HAT1: variants seen among roughly 807,000 people sequenced by gnomAD.
HAT1 encodes histone acetyltransferase type B catalytic subunit.
Under a neutral mutation model 56.6 loss-of-function variants are expected in HAT1, and 20 were observed. The observed-to-expected ratio is 0.35, with a 90% CI of 0.25 to 0.51. HAT1 has a LOEUF of 0.51. Among genes scored for constraint, HAT1 ranks in the 20% least tolerant of loss-of-function variants. The pLI is 0.95. For synonymous variants in HAT1, 146 were observed against 165.5 expected, an observed-to-expected ratio of 0.88 and a Z score of 0.91; for missense variants, 408 against 504.3, an observed-to-expected ratio of 0.81 and a Z score of 1.83.
chr2:171,922,904 ATCC>A (rs1686478416), intron 1 of HAT1: 1 of 197,434 alleles, frequency 5.1e-6, no homozygotes. Flanking sequence ...TAATGCTCAG[ATCC>A]TCCTCCTCTT....
At chr2:171,932,196 A>G (rs966807898) in intron 2 of HAT1, among the ~76,000 whole-genome samples, 2 of 152,242 alleles carry the variant, frequency 1.3e-5, no homozygotes, top group South Asian at 4.1e-4. Flanking sequence ...TGACTTGGCA[A>G]TGTTTTGTTA....
intron 10 of HAT1, among the ~76,000 whole-genome samples, chr2:171,982,220 C>T (rs1042490077): frequency 1.4e-4 from 22 of 152,060 alleles, no homozygotes; most frequent in African/African-American, 5.3e-4. Flanking sequence ...AGAACTGGGC[C>T]GGGTGTGGTG....
chr2:171,938,024 T>TTCTCTCTCTCTC (rs374402453), intron 2 of HAT1, among the ~76,000 whole-genome samples: 1,474 of 104,746 alleles, frequency 0.014, 62 homozygotes, highest in East Asian at 0.028. Flanking sequence ...TGTCTACTGA[T>TTCTCTCTCTCTC]TCTCTCTCTC....
chr2:171,941,208 T>G (rs1687009972), intron 2 of HAT1, among the ~76,000 whole-genome samples: 1 of 152,076 alleles, frequency 6.6e-6, no homozygotes, highest in Admixed American at 6.6e-5. Flanking sequence ...TGGTGTTTTT[T>G]TTGTTGTTGT....
At chr2:171,931,402 C>A (rs1303107452) in intron 2 of HAT1, among the ~76,000 whole-genome samples, 1 of 149,544 alleles carries the variant, frequency 6.7e-6, no homozygotes, top group Admixed American at 6.7e-5. Context: ...AGATAGATAG[C>A]CATATAGCCG....
At position 171,971,439 on chromosome 2, in the gene HAT1, G is replaced by A. The variant is rs535100993; in HGVS notation, c.823+4490G>A. ...TCCTTCCCTACACCCGACGTCCATT[G>A]AGGTCCTTGGTCCATTTTGAATAAA... is the stretch of plus-strand genomic sequence containing the variant. On this transcript the variant is annotated intron_variant, in intron 8 of 10. Coordinates refer to ENST00000264108, the MANE Select transcript of HAT1 (RefSeq NM_003642.4). Among the ~76,000 whole-genome samples the A allele has an allele frequency of 5.9e-5, 9 of 152,270 alleles. No individual in the cohort carries two copies. In the South Asian group the frequency reaches 1.9e-3, roughly 32 times the overall value.
intron 2 of HAT1, among the ~76,000 whole-genome samples, chr2:171,946,197 G>C (rs1453402319): frequency 6.6e-6 from 1 of 152,154 alleles, no homozygotes; most frequent in Non-Finnish European, 1.5e-5. Context: ...AAGTACAGCA[G>C]GATGTATATA....
At chr2:171,973,605 GC>G (rs1312017089) in intron 8 of HAT1, among the ~76,000 whole-genome samples, 19 of 152,166 alleles carry the variant, frequency 1.2e-4, no homozygotes, top group African/African-American at 4.1e-4. Context: ...GGGTGAACAA[GC>G]ATTACTGCCT....
At chr2:171,954,152 A>AT (rs909574097) in intron 4 of HAT1, among the ~76,000 whole-genome samples, 2 of 151,964 alleles carry the variant, frequency 1.3e-5, no homozygotes, top group Admixed American at 1.3e-4. Flanking sequence ...TCAGAGTTTT[A>AT]TTTTTTTGCC....
At chr2:171,965,288 C>A (rs781479323) in intron 4 of HAT1, 50 bp from the exon 5 acceptor site, 7 of 1,107,420 alleles carry the variant, frequency 6.3e-6, no homozygotes, top group Non-Finnish European at 7.8e-6. Flanking sequence ...AAACCATATT[C>A]AACTTAAAGT....
At position 171,979,379 on chromosome 2, in the gene HAT1, A is replaced by C. The variant is rs779614918; in HGVS notation, c.1092+16A>C. The C allele has an allele frequency of 2.7e-5, 31 of 1,132,542 alleles. No homozygotes were observed. Among genetic ancestry groups the C allele is most frequent in the African/African-American group, 4.6e-5 (3 of 65,772 alleles). The allele number at this position is 1,132,542 out of a possible 1,614,324, so 70.2% of individuals were successfully genotyped here. On this transcript the variant is annotated intron_variant, in intron 10 of 10. Transcript: ENST00000264108. ...CCCATATAAGGTAGGACTTTCAAGA[A>C]TCTTAAACACTGTATTCTTTTCACT...
intron 3 of HAT1, among the ~76,000 whole-genome samples, chr2:171,951,062 C>T (rs546760255): frequency 3.9e-5 from 6 of 152,338 alleles, no homozygotes; most frequent in Admixed American, 2.0e-4. Flanking sequence ...CCACCCACCT[C>T]GGCCTCCCGA....
At chr2:171,927,823 A>G (rs1686636194) in intron 2 of HAT1, among the ~76,000 whole-genome samples, 1 of 151,964 alleles carries the variant, frequency 6.6e-6, no homozygotes, top group Non-Finnish European at 1.5e-5. Flanking sequence ...TGACCAAGTG[A>G]TCCACCTGCC....
chr2:171,922,464 T>G lies in HAT1; in HGVS notation c.-37T>G. On this transcript the variant is annotated 5_prime_UTR_variant, in exon 1 of 11. The change creates a new upstream start codon in the 5' untranslated region. Transcript: ENST00000264108. ...CCGGCCCGGGAGCGCGCGGGTTGAT[T>G]CGTCCTTCCTCAGCCGCGGGTGATC... The G allele has an allele frequency of 7.6e-7, 1 of 1,317,612 alleles. No homozygotes were observed. The highest frequency in any genetic ancestry group is 9.8e-7 in the Non-Finnish European group (1 of 1,023,896). 81.6% of individuals were successfully genotyped at this position (1,317,612 alleles called of 1,614,324 possible).
intron 4 of HAT1, among the ~76,000 whole-genome samples, chr2:171,959,085 A>G (rs986605679): frequency 2.0e-5 from 3 of 152,192 alleles, no homozygotes; most frequent in Non-Finnish European, 4.4e-5. Flanking sequence ...TTTATTTTAT[A>G]TAGTTTGTTT....
At chr2:171,953,117 G>T in intron 4 of HAT1, 116 bp downstream of exon 4, 3 of 535,172 alleles carry the variant, frequency 5.6e-6, no homozygotes, top group Non-Finnish European at 9.4e-6. Flanking sequence ...GACCAAGGGG[G>T]GCAGATCTTT....
At chr2:171,978,496 T>G (rs1688046066) in intron 9 of HAT1, among the ~76,000 whole-genome samples, 1 of 152,220 alleles carries the variant, frequency 6.6e-6, no homozygotes, top group Non-Finnish European at 1.5e-5. Flanking sequence ...GCCCTTAGAC[T>G]AGAATTTTCT....
At chr2:171,928,852 A>G (rs1686665232) in intron 2 of HAT1, among the ~76,000 whole-genome samples, 1 of 152,162 alleles carries the variant, frequency 6.6e-6, no homozygotes, top group Non-Finnish European at 1.5e-5. Flanking sequence ...TGTTGGATAC[A>G]TCATTATTCG....
intron 10 of HAT1, among the ~76,000 whole-genome samples, chr2:171,982,443 C>T (rs1010696521): frequency 6.6e-6 from 1 of 152,226 alleles, no homozygotes; most frequent in African/African-American, 2.4e-5. Flanking sequence ...ATCTCTGCTG[C>T]TGCTGACTTG....
Sources: gnomAD v4.1 joint callset for allele counts (sites outside exome capture counted in the v4.1 genomes callset) on GRCh38, gnomAD v4.1.1 for gene constraint, MANE v1.5 for transcripts, NCBI Gene and HGNC (gene_info 2026-07-23, HGNC 2026-07-21) for gene names.